CHD7: variants seen among roughly 807,000 people sequenced by gnomAD.
CHD7 encodes the protein ATP-dependent chromatin remodeler CHD7.
Under a neutral mutation model 307.3 loss-of-function variants are expected in CHD7, and 24 were observed. The observed-to-expected ratio is 0.08, with a 90% CI of 0.06 to 0.11. CHD7 has a LOEUF of 0.11. Among genes scored for constraint, CHD7 ranks in the 10% least tolerant of loss-of-function variants. The probability of loss-of-function intolerance (pLI) is 1.00; values close to 1 mark genes in which losing one functional copy is unlikely to be tolerated. For missense variants in CHD7, 3,106 were observed against 3,727.1 expected, an observed-to-expected ratio of 0.83 and a Z score of 4.34; for synonymous variants, 1,363 against 1,349.9, an observed-to-expected ratio of 1.01 and a Z score of -0.21.
At chr8:60,851,000 A>G (rs1158958638) in intron 26 of CHD7, 32 bp from the exon 27 acceptor site, 1 of 1,456,890 alleles carries the variant, frequency 6.9e-7, no homozygotes, top group Admixed American at 2.1e-5. Context: ...TATCAGTATG[A>G]TTCAAATAAT....
rs747665912 is a variant in CHD7, at chr8:60,865,213, T to TCAGAATCTC, written c.8287_8295dup (p.Asn2763_Gln2765dup). 23 of 1,610,680 alleles carry TCAGAATCTC rather than the reference T, an allele frequency of 1.4e-5. No homozygotes were observed. The African/African-American group carries it at 1.9e-4, about 13-fold the overall frequency. The stretch of plus-strand genomic sequence containing the variant: ...TTGCTGGAATGGACCTGACGAGCCT[T>TCAGAATCTC]CAGAATCTCCAGAATCTCCAGTCGC... On this transcript the variant is annotated inframe_insertion, in exon 38 of 38. Transcript: ENST00000423902. This position sits in a 1 kb window ranked among gnomAD's most constrained non-coding sequence, Gnocchi z 4.3.
In CHD7 at chr8:60,855,965, C is replaced by T; in HGVS notation, c.6937-10C>T. On this transcript the variant is annotated splice_polypyrimidine_tract_variant and intron_variant, in intron 32 of 37. Coordinates refer to ENST00000423902, the MANE Select transcript of CHD7 (RefSeq NM_017780.4). ...GTTAAAATTTCTTGTGACTTTTCTT[C>T]TCCCTCCAGGATAGAGTAATGATAA... The T allele has an allele frequency of 6.4e-7, 1 of 1,572,496 alleles. No homozygotes were observed. Among genetic ancestry groups the T allele is most frequent in the Non-Finnish European group, 8.7e-7 (1 of 1,151,344 alleles).
chr8:60,811,733 A>G (rs1020625289), intron 7 of CHD7, among the ~76,000 whole-genome samples: 2 of 152,206 alleles, frequency 1.3e-5, no homozygotes, highest in Non-Finnish European at 2.9e-5. Flanking sequence ...GCAAACATGT[A>G]TGTATTTTTA....
At position 60,866,782 on chromosome 8, in the gene CHD7, T is replaced by C. The variant is rs1806257818; in HGVS notation, c.*849T>C. On this transcript the variant is annotated 3_prime_UTR_variant, in exon 38 of 38. Coordinates refer to ENST00000423902, the MANE Select transcript of CHD7 (RefSeq NM_017780.4). ...TGACTTTGTAAATGTATTGTTTTTC[T>C]TTGTTGTGATGTCCTTTTATTTTTT... 6.6e-6 allele frequency: 1 copy of C among 152,660 alleles called. No individual in the cohort carries two copies. Among genetic ancestry groups the C allele is most frequent in the Admixed American group, 6.5e-5 (1 of 15,288 alleles). The allele number at this position is 152,660 out of a possible 1,614,324, so 9.5% of individuals were successfully genotyped here. A position where few individuals can be genotyped will look rare whatever the true frequency, so the allele number is the denominator to read the frequency against.
rs1161773590 is a variant in CHD7 at position 60,828,722 on chromosome 8, C to T, written c.3438C>T (p.Ser1146=). 6.2e-7 allele frequency: 1 copy of T among 1,613,336 alleles called. No homozygotes were observed. The highest frequency in any genetic ancestry group is 8.5e-7 in the Non-Finnish European group (1 of 1,179,552). Residue 1146 remains serine (S), a synonymous_variant, in exon 14 of 38, where the codon AGC becomes AGT. Coordinates refer to ENST00000423902, the MANE Select transcript of CHD7 (RefSeq NM_017780.4). Reference sequence around the variant, plus strand: ...AGAACACTGTGGAAGAACTCTTCAGCTTGCTTCATTTCTTGGAACCAAGTC... The same window carrying T: ...AGAACACTGTGGAAGAACTCTTCAGTTTGCTTCATTTCTTGGAACCAAGTC... The part of the protein sequence containing the change: ...PLQNTVEELF[S]LLHFLEPSRF...
rs1267689872 is a variant in CHD7 at position 60,841,725 on chromosome 8, G to C, written c.4615G>C (p.Glu1539Gln). The C allele has an allele frequency of 6.2e-7, 1 of 1,609,282 alleles. No homozygotes were observed. Among genetic ancestry groups the C allele is most frequent in the Non-Finnish European group, 8.5e-7 (1 of 1,175,812 alleles). Residue 1539 changes from glutamate (E) to glutamine (Q), a missense_variant, in exon 20 of 38, where the codon GAA becomes CAA. Transcript: ENST00000423902. The part of the protein sequence containing the change: ...NFWQKWAKKA[E>Q]LDIDALNGRN... ...CTGGCAAAAGTGGGCTAAGAAGGCT[G>C]AATTGGATATTGATGCCTTAAATGG...
intron 2 of CHD7, among the ~76,000 whole-genome samples, chr8:60,759,488 C>CCT (rs746792625): frequency 2.9e-5 from 4 of 136,204 alleles, no homozygotes; most frequent in South Asian, 2.5e-4. Context: ...TCCCTCTCTC[C>CCT]CTCTCCCTCT....
chr8:60,853,916 G>A (rs571571373), intron 31 of CHD7, among the ~76,000 whole-genome samples: 29 of 152,344 alleles, frequency 1.9e-4, no homozygotes, highest in Admixed American at 5.2e-4. Context: ...AGTGGGAATA[G>A]AATCTAAAAA....
At chr8:60,785,379 T>C (rs1364598730) in intron 3 of CHD7, among the ~76,000 whole-genome samples, 1 of 152,232 alleles carries the variant, frequency 6.6e-6, no homozygotes, top group Non-Finnish European at 1.5e-5. Context: ...AACTAAAATG[T>C]TATTTTTCAA....
At chr8:60,768,834 G>GA (rs35450167) in intron 2 of CHD7, among the ~76,000 whole-genome samples, 9 of 151,196 alleles carry the variant, frequency 6.0e-5, no homozygotes, top group South Asian at 4.2e-4. Context: ...AAGCTACCAT[G>GA]AAAAAAAAAA....
In CHD7 at chr8:60,836,988, C is replaced by T. The variant is rs947963972; in HGVS notation, c.4161C>T (p.Asp1387=). The T allele has an allele frequency of 1.9e-6, 3 of 1,609,760 alleles. No homozygotes were observed. The highest frequency in any genetic ancestry group is 2.5e-6 in the Non-Finnish European group (3 of 1,177,390). ...ATACCTGCATCATCTTTGATTCAGA[C>T]TGGAATCCCCAAAATGACCTCCAGG... is the stretch of plus-strand genomic sequence containing the variant. The part of the protein sequence containing the change: ...AADTCIIFDS[D]WNPQNDLQAQ... Residue 1387 remains aspartate, a synonymous_variant, in exon 17 of 38, where the codon GAC becomes GAT. Transcript: ENST00000423902.
rs191628935 is a variant in CHD7, at chr8:60,756,536, G to C, written c.1665+13439G>C. Among the ~76,000 whole-genome samples, 19 of 152,264 alleles carry C rather than the reference G, an allele frequency of 1.2e-4. No individual in the cohort carries two copies. In the South Asian group the frequency reaches 3.9e-3, roughly 32 times the overall value. ...GCTTCATATAAAATATTTAAGGCCA[G>C]GCACGGTGGTGTGCACCTGTAGCCC... On this transcript the variant is annotated intron_variant, in intron 2 of 37. Transcript: ENST00000423902.
intron 4 of CHD7, among the ~76,000 whole-genome samples, 197 bp from the exon 5 acceptor site, chr8:60,800,191 C>A (rs1046461754): frequency 6.6e-6 from 1 of 152,028 alleles, no homozygotes; most frequent in Admixed American, 6.6e-5. Flanking sequence ...CCACCACGCC[C>A]GGCTAATTTT....
At chr8:60,823,818 T>C in intron 12 of CHD7, 22 bp from the exon 13 acceptor site, 2 of 1,596,152 alleles carry the variant, frequency 1.3e-6, no homozygotes, top group Non-Finnish European at 1.7e-6. Flanking sequence ...TGCTTAATAA[T>C]AATTCAGAGT....
intron 1 of CHD7, among the ~76,000 whole-genome samples, chr8:60,731,557 T>A (rs1489494737): frequency 1.3e-5 from 2 of 152,160 alleles, no homozygotes; most frequent in Admixed American, 6.5e-5. Flanking sequence ...ATAGAAAAAA[T>A]GTTTCCCAAA....
intron 24 of CHD7, 80 bp downstream of exon 24, chr8:60,848,684 A>C: frequency 9.5e-7 from 1 of 1,053,882 alleles, no homozygotes; most frequent in Non-Finnish European, 1.5e-6. Flanking sequence ...TGTGTTTCAG[A>C]ACCTTCATAA....
intron 2 of CHD7, among the ~76,000 whole-genome samples, chr8:60,754,000 T>C (rs922068456): frequency 6.6e-6 from 1 of 152,204 alleles, no homozygotes; most frequent in Non-Finnish European, 1.5e-5. Context: ...TATTTCATAC[T>C]GAATATAAAT....
At chr8:60,765,887 C>A (rs1810450624) in intron 2 of CHD7, among the ~76,000 whole-genome samples, 1 of 152,060 alleles carries the variant, frequency 6.6e-6, no homozygotes, top group African/African-American at 2.4e-5. Flanking sequence ...GACATGGAAT[C>A]CTGATGACCA....
At chr8:60,824,039 G>T (rs760014905) in intron 13 of CHD7, 23 bp downstream of exon 13, 26 of 1,598,848 alleles carry the variant, frequency 1.6e-5, no homozygotes, top group Non-Finnish European at 2.1e-5. Context: ...ATTGGTGATT[G>T]CACTGAACCT....
Sources: allele counts gnomAD v4.1 joint callset (sites outside exome capture counted in the v4.1 genomes callset), GRCh38; gene constraint gnomAD v4.1.1; non-coding constraint Gnocchi (gnomAD v3.1); transcripts MANE v1.5; gene names NCBI Gene and HGNC (gene_info 2026-07-23, HGNC 2026-07-21).